The following KLF17 variants were observed in gnomAD, a reference collection of about 807,000 sequenced individuals.
KLF17 encodes Krueppel-like factor 17.
A neutral mutation model predicts 34.2 loss-of-function variants in KLF17; 31 were observed. That is an observed-to-expected ratio of 0.91 (90% CI 0.68 to 1.22). KLF17 has a LOEUF of 1.22. Ranked by LOEUF, KLF17 falls within the 50% of genes most tolerant of loss-of-function variation. The pLI, the probability that KLF17 is intolerant of heterozygous loss-of-function variation, is 0.00. For missense variants in KLF17, 478 were observed against 505.2 expected, an observed-to-expected ratio of 0.95 and a Z score of 0.52; for synonymous variants, 179 against 186.7, an observed-to-expected ratio of 0.96 and a Z score of 0.34.
At chr1:44,080,478 T>TCC in the KLF17 span, among the ~76,000 whole-genome samples, 8 of 151,996 alleles carry the variant, frequency 5.3e-5, no homozygotes, top group African/African-American at 1.9e-4. Context: ...GACCTCGTGA[T>TCC]ATGCCCGCCT....
rs779305958 is a variant in KLF17, at chr1:44,130,078, G to C, written c.807G>C (p.Gln269His). The C allele has an allele frequency of 1.2e-6, 2 of 1,614,260 alleles. No homozygotes were observed. Among genetic ancestry groups the C allele is most frequent in the Non-Finnish European group, 1.7e-6 (2 of 1,180,044 alleles). ...PQTVEKNSRP[Q>H]EGTGRRGSSE... Reference sequence around the variant, plus strand: ...CAGTAGAGAAGAACTCCAGGCCTCAGGAAGGGACTGGTAGAAGGGGCTCCT... The same window carrying C: ...CAGTAGAGAAGAACTCCAGGCCTCACGAAGGGACTGGTAGAAGGGGCTCCT... The change falls in exon 2 of 4, where the codon CAG becomes CAC. Residue 269 changes from glutamine (Q) to histidine (H), a missense_variant. Transcript: ENST00000372299.
At chr1:44,127,383 C>T (rs528214718) in intron 1 of KLF17, among the ~76,000 whole-genome samples, 4 of 152,180 alleles carry the variant, frequency 2.6e-5, no homozygotes, top group African/African-American at 9.6e-5. Flanking sequence ...TTTCCCCATT[C>T]CCTACTCTCT....
the KLF17 span, among the ~76,000 whole-genome samples, chr1:44,095,430 G>C: frequency 8.1e-5 from 12 of 148,660 alleles, no homozygotes; most frequent in Non-Finnish European, 1.3e-4. Context: ...GGTCAAGCTG[G>C]TCTTGAACTC....
the KLF17 span, among the ~76,000 whole-genome samples, chr1:44,063,872 T>C: frequency 4.7e-4 from 71 of 152,266 alleles, no homozygotes; most frequent in East Asian, 0.011. Context: ...AGACTTGAGT[T>C]TGTGCTTGTG....
Position 44,130,503 on chromosome 1 carries a change from C to G in KLF17, c.926-9C>G. On this transcript the variant is annotated splice_polypyrimidine_tract_variant and intron_variant, in intron 2 of 3. Coordinates refer to ENST00000372299, the MANE Select transcript of KLF17 (RefSeq NM_173484.4). Reference sequence around the variant, plus strand: ...ATTCTAAATTCCATCTCTCCCTTGTCATTCCCAGGTGAGAGGCCATATTCT... The same window carrying G: ...ATTCTAAATTCCATCTCTCCCTTGTGATTCCCAGGTGAGAGGCCATATTCT... 1 of 1,614,004 alleles carries G rather than the reference C, an allele frequency of 6.2e-7. No individual in the cohort carries two copies. The highest frequency in any genetic ancestry group is 8.5e-7 in the Non-Finnish European group (1 of 1,179,908).
chr1:44,091,485 G>A, the KLF17 span, among the ~76,000 whole-genome samples: 421 of 151,874 alleles, frequency 2.8e-3, 4 homozygotes, highest in African/African-American at 9.4e-3. Context: ...GTGAGACCCT[G>A]TTTCTACTAA....
chr1:44,119,032 T>G, intron 1 of KLF17, 44 bp downstream of exon 1: 1 of 1,509,630 alleles, frequency 6.6e-7, no homozygotes. Context: ...GGGCCCAGGC[T>G]AGGGGGCGGC....
chr1:44,084,207 A>G, the KLF17 span, among the ~76,000 whole-genome samples: 1 of 152,176 alleles, frequency 6.6e-6, no homozygotes, highest in Non-Finnish European at 1.5e-5. Flanking sequence ...TAACCAATTT[A>G]TGTTTCAAAA....
chr1:44,076,946 G>A, the KLF17 span: 2 of 146,574 alleles, frequency 1.4e-5, no homozygotes, highest in African/African-American at 5.1e-5. Flanking sequence ...ATGTTGCTCA[G>A]GCTGGTCTTG....
chr1:44,080,425 A>G, the KLF17 span, among the ~76,000 whole-genome samples: 7 of 151,214 alleles, frequency 4.6e-5, no homozygotes, highest in Non-Finnish European at 8.8e-5. Context: ...TTTTTAGTAG[A>G]GACGGGGTTT....
intron 3 of KLF17, 25 bp downstream of exon 3, chr1:44,130,781 G>C: frequency 6.2e-7 from 1 of 1,608,464 alleles, no homozygotes; most frequent in East Asian, 2.2e-5. Flanking sequence ...CTCATTCTGG[G>C]TTTTCTTTTT....
the KLF17 span, among the ~76,000 whole-genome samples, chr1:44,065,157 G>A: frequency 8.6e-5 from 13 of 151,756 alleles, no homozygotes; most frequent in Non-Finnish European, 1.9e-4. Flanking sequence ...GCGTGGTAGC[G>A]CACGCCTGTA....
the KLF17 span, among the ~76,000 whole-genome samples, chr1:44,095,748 T>C: frequency 2.4e-4 from 36 of 152,282 alleles, no homozygotes; most frequent in African/African-American, 8.7e-4. Flanking sequence ...TTTGGTTAAG[T>C]TCATTCCTAT....
At chr1:44,113,467 T>C in the KLF17 span, among the ~76,000 whole-genome samples, 1 of 152,198 alleles carries the variant, frequency 6.6e-6, no homozygotes, top group African/African-American at 2.4e-5. Flanking sequence ...ATCAGTTCTC[T>C]GTACTAAGAT....
At chr1:44,062,011 C>T in the KLF17 span, among the ~76,000 whole-genome samples, 1 of 152,240 alleles carries the variant, frequency 6.6e-6, no homozygotes, top group African/African-American at 2.4e-5. Context: ...GGAGCTGTCA[C>T]AGAGGTGTAC....
At chr1:44,121,110 G>GTA (rs539872918) in intron 1 of KLF17, among the ~76,000 whole-genome samples, 15 of 151,868 alleles carry the variant, frequency 9.9e-5, no homozygotes, top group East Asian at 3.9e-4. Context: ...TATCAAAATT[G>GTA]TATATATATA....
At chr1:44,114,071 C>T (rs920686157), upstream of KLF17, 1 of 152,424 alleles carries the variant, frequency 6.6e-6, no homozygotes, top group Non-Finnish European at 1.5e-5. Flanking sequence ...GCAAACTCCT[C>T]TGACCTACAA....
At chr1:44,131,185 G>A (rs1229884037) in intron 3 of KLF17, among the ~76,000 whole-genome samples, 1 of 152,076 alleles carries the variant, frequency 6.6e-6, no homozygotes, top group Non-Finnish European at 1.5e-5. Context: ...GGAAGATTAT[G>A]GGTCAGTGTT....
At chr1:44,105,758 T>A in the KLF17 span, among the ~76,000 whole-genome samples, 3 of 152,142 alleles carry the variant, frequency 2.0e-5, no homozygotes, top group Admixed American at 6.6e-5. Context: ...GTTTAGTAGG[T>A]CCCGGGGAAG....
Sources: gnomAD v4.1 joint callset for allele counts (sites outside exome capture counted in the v4.1 genomes callset) on GRCh38, gnomAD v4.1.1 for gene constraint, MANE v1.5 for transcripts, NCBI Gene and HGNC (gene_info 2026-07-23, HGNC 2026-07-21) for gene names.